The following CEP170 variants were observed in gnomAD, a reference collection of about 807,000 sequenced individuals.
CEP170 encodes the protein centrosomal protein of 170 kDa.
A neutral mutation model predicts 151.9 loss-of-function variants in CEP170; 21 were observed. The ratio of observed to expected loss-of-function variants is 0.14; its 90% CI spans 0.10 to 0.20. The LOEUF is 0.20. CEP170 is among the 10% of genes least tolerant of loss of function. The pLI, the probability that CEP170 is intolerant of heterozygous loss-of-function variation, is 1.00. For missense variants in CEP170, 964 were observed against 1,892.9 expected (o/e 0.51, Z 9.11); for synonymous variants, 356 against 648.8 (o/e 0.55, Z 6.86).
At chr1:243,209,245 C>T (rs2061615221) in intron 4 of CEP170, among the ~76,000 whole-genome samples, 1 of 152,136 alleles carries the variant, frequency 6.6e-6, no homozygotes, top group Non-Finnish European at 1.5e-5. Flanking sequence ...AGTGCAGTGG[C>T]ACGATCTTGG....
Position 243,209,685 on chromosome 1 carries a change from G to GTT in CEP170, c.274+2199_274+2200dup, listed in dbSNP as rs201523372. 2.4e-3 allele frequency among the ~76,000 whole-genome samples: 341 copies of GTT among 143,226 alleles called. 2 individuals carry two copies. Among genetic ancestry groups the GTT allele is most frequent in the African/African-American group, 8.3e-3 (326 of 39,376 alleles). 94.0% of individuals were successfully genotyped at this position (143,226 alleles called of 152,430 possible). On this transcript the variant is annotated intron_variant, in intron 4 of 19. Coordinates refer to ENST00000366542, the MANE Select transcript of CEP170 (RefSeq NM_014812.3). ...ATAATTTCTGCCACTATAACAGATG[G>GTT]TTTTTTTTTTTTGAGACGGAGTCTG...
At chr1:243,226,244 CAT>C (rs2063295275) in intron 1 of CEP170, among the ~76,000 whole-genome samples, 1 of 143,928 alleles carries the variant, frequency 6.9e-6, no homozygotes, top group Non-Finnish European at 1.5e-5. Flanking sequence ...TATATATACA[CAT>C]ATATGTATGT....
At chr1:243,209,743 G>C (rs1004560233) in intron 4 of CEP170, among the ~76,000 whole-genome samples, 1 of 151,396 alleles carries the variant, frequency 6.6e-6, no homozygotes, top group Non-Finnish European at 1.5e-5. Context: ...ACAGTGGCAC[G>C]ATCTCGGCTC....
intron 7 of CEP170, among the ~76,000 whole-genome samples, chr1:243,193,420 G>A (rs1222599228): frequency 1.3e-5 from 2 of 151,636 alleles, no homozygotes; most frequent in Admixed American, 6.6e-5. Context: ...ACAGAACAAC[G>A]TCAAGATGGT....
At chr1:243,145,536 G>C (rs1315462455) in intron 14 of CEP170, among the ~76,000 whole-genome samples, 2 of 152,372 alleles carry the variant, frequency 1.3e-5, no homozygotes, top group East Asian at 3.9e-4. Context: ...GTCTCCCAAA[G>C]AGCTGGGATT....
intron 7 of CEP170, 95 bp from the exon 8 acceptor site, chr1:243,191,589 C>G (rs549238549): frequency 1.1e-6 from 1 of 908,090 alleles, no homozygotes; most frequent in African/African-American, 1.7e-5. Context: ...CCGTGAGAAC[C>G]AGAAGGCAGA....
intron 14 of CEP170, among the ~76,000 whole-genome samples, chr1:243,148,691 T>C (rs974446329): frequency 2.0e-5 from 3 of 152,246 alleles, no homozygotes; most frequent in Non-Finnish European, 2.9e-5. Context: ...GCTCAAAGTT[T>C]AATTCATGTA....
chr1:243,133,715 G>C (rs2054698099), intron 17 of CEP170, among the ~76,000 whole-genome samples: 1 of 152,168 alleles, frequency 6.6e-6, no homozygotes, highest in Non-Finnish European at 1.5e-5. Flanking sequence ...AATCATAGGT[G>C]AATGGGTTGT....
chr1:243,170,588 G>C (rs1184343155), intron 11 of CEP170, among the ~76,000 whole-genome samples: 1 of 152,138 alleles, frequency 6.6e-6, no homozygotes, highest in Non-Finnish European at 1.5e-5. Context: ...GAGGTCAGGA[G>C]TTCGAGACCA....
rs868373367 is a variant in CEP170 at position 243,216,509 on chromosome 1, T to C, written c.196-4545A>G. The stretch of plus-strand genomic sequence containing the variant: ...TTTATTAGATTTGAGATGGCCATGA[T>C]AGCTTATTTGAGAAGACTGCCCTTC... On this transcript the variant is annotated intron_variant, in intron 3 of 19. Coordinates refer to ENST00000366542, the MANE Select transcript of CEP170 (RefSeq NM_014812.3). Among the ~76,000 whole-genome samples, 4 of 152,278 alleles carry C rather than the reference T, an allele frequency of 2.6e-5. No individual in the cohort carries two copies. In the Middle Eastern group the frequency reaches 0.01, roughly 388 times the overall value.
chr1:243,175,033 C>G (rs2059134492), intron 10 of CEP170: 2 of 152,196 alleles, frequency 1.3e-5, no homozygotes, highest in African/African-American at 4.8e-5. Flanking sequence ...ATTTTTGCAT[C>G]TCTTTGACAT....
chr1:243,245,491 G>A (rs1000529916), intron 1 of CEP170, among the ~76,000 whole-genome samples: 9 of 152,022 alleles, frequency 5.9e-5, no homozygotes, highest in African/African-American at 1.2e-4. Context: ...CAAGGTGAGC[G>A]GATCACGAGG....
At chr1:243,244,777 C>T (rs572941849) in intron 1 of CEP170, among the ~76,000 whole-genome samples, 1 of 151,724 alleles carries the variant, frequency 6.6e-6, no homozygotes, top group Admixed American at 6.6e-5. Context: ...AGTAAAAACT[C>T]CGAAGAGTTA....
At chr1:243,216,897 G>A (rs1380298471) in intron 3 of CEP170, among the ~76,000 whole-genome samples, 1 of 152,200 alleles carries the variant, frequency 6.6e-6, no homozygotes, top group South Asian at 2.1e-4. Flanking sequence ...TATGTCTTGA[G>A]TTTACTAAAG....
At position 243,140,042 on chromosome 1, in the gene CEP170, T is replaced by G. The variant is rs770204029; in HGVS notation, c.4125A>C (p.Lys1375Asn). 6.2e-7 allele frequency: 1 copy of G among 1,613,974 alleles called. No individual in the cohort carries two copies. Among genetic ancestry groups the G allele is most frequent in the East Asian group, 2.2e-5 (1 of 44,872 alleles). ...ATCGACCGTTGTTTCCTTCTGGTGTTTTGGAATGAACTAATGGAGGAATCT... is the reference window on the plus strand; with the variant it reads ...ATCGACCGTTGTTTCCTTCTGGTGTGTTGGAATGAACTAATGGAGGAATCT... ...FRKIPPLVHS[K>N]TPEGNNGRSG... Residue 1375 changes from lysine (K) to asparagine (N), a missense_variant, in exon 16 of 20, where the codon AAA becomes AAC. Coordinates refer to ENST00000366542, the MANE Select transcript of CEP170 (RefSeq NM_014812.3).
chr1:243,129,121 T>C (rs1169098391), intron 18 of CEP170, among the ~76,000 whole-genome samples: 2 of 152,184 alleles, frequency 1.3e-5, no homozygotes, highest in Non-Finnish European at 2.9e-5. Flanking sequence ...TGTTTAATTA[T>C]TACAAGAACA....
chr1:243,204,193 A>G (rs530892198), intron 4 of CEP170, among the ~76,000 whole-genome samples: 2 of 152,308 alleles, frequency 1.3e-5, no homozygotes, highest in African/African-American at 2.4e-5. Context: ...AACCACATAG[A>G]TAAGGAAAAA....
At chr1:243,202,338 A>G (rs2061100680) in intron 4 of CEP170, among the ~76,000 whole-genome samples, 1 of 152,080 alleles carries the variant, frequency 6.6e-6, no homozygotes, top group South Asian at 2.1e-4. Flanking sequence ...ATGAAAAACT[A>G]CCTATTGAGG....
At chr1:243,222,743 T>C (rs566185526) in intron 2 of CEP170, among the ~76,000 whole-genome samples, 1 of 152,170 alleles carries the variant, frequency 6.6e-6, no homozygotes, top group African/African-American at 2.4e-5. Context: ...TTGAACAAAC[T>C]GAAAACCAAA....
Sources: allele counts gnomAD v4.1 joint callset (sites outside exome capture counted in the v4.1 genomes callset), GRCh38; gene constraint gnomAD v4.1.1; transcripts MANE v1.5; gene names NCBI Gene and HGNC (gene_info 2026-07-23, HGNC 2026-07-21).